KDM4B: variants seen among roughly 807,000 people sequenced by gnomAD.
KDM4B encodes lysine-specific demethylase 4B.
A neutral mutation model predicts 125.2 loss-of-function variants in KDM4B; 32 were observed. That is an observed-to-expected ratio of 0.26 (90% CI 0.19 to 0.34). The LOEUF is 0.34. KDM4B is among the 10% of genes least tolerant of loss of function. The pLI, the probability that KDM4B is intolerant of heterozygous loss-of-function variation, is 1.00. For missense variants in KDM4B, 1,190 were observed against 1,577.7 expected (o/e 0.75, Z 4.16); for synonymous variants, 721 against 677.9 (o/e 1.06, Z -0.99).
intron 2 of KDM4B, among the ~76,000 whole-genome samples, chr19:5,022,369 G>A (rs576289335): frequency 2.0e-5 from 3 of 152,244 alleles, no homozygotes; most frequent in African/African-American, 7.2e-5. Flanking sequence ...CAGGACCTCC[G>A]CCCGAGGGCC....
chr19:4,982,019 A>G (rs775344147), intron 1 of KDM4B, among the ~76,000 whole-genome samples: 18 of 152,204 alleles, frequency 1.2e-4, no homozygotes, highest in Non-Finnish European at 1.9e-4. Context: ...AGCCAGGTGC[A>G]GTGGCTCATG....
At chr19:5,017,611 C>G (rs1288507879) in intron 2 of KDM4B, among the ~76,000 whole-genome samples, 1 of 152,132 alleles carries the variant, frequency 6.6e-6, no homozygotes, top group African/African-American at 2.4e-5. Context: ...CTTGCTTTTA[C>G]CCTTCAAGTT....
intron 17 of KDM4B, 125 bp from the exon 18 acceptor site, chr19:5,137,837 C>T: frequency 1.9e-6 from 2 of 1,033,496 alleles, no homozygotes; most frequent in East Asian, 2.6e-5. Context: ...GAGCATACGC[C>T]TGCACCGACC....
At chr19:5,066,329 AC>A (rs1383362186) in intron 6 of KDM4B, among the ~76,000 whole-genome samples, 1 of 144,374 alleles carries the variant, frequency 6.9e-6, no homozygotes, top group Non-Finnish European at 1.5e-5. Context: ...GTGCCCACCC[AC>A]CCACTGCCCC....
At chr19:5,137,533 C>G (rs2039670365) in intron 16 of KDM4B, 88 bp from the exon 17 acceptor site, 1 of 1,380,212 alleles carries the variant, frequency 7.2e-7, no homozygotes, top group African/African-American at 1.4e-5. Context: ...GGGCCGTGGG[C>G]TGGGGACGGT....
At chr19:5,068,231 C>T (rs755086423) in intron 6 of KDM4B, among the ~76,000 whole-genome samples, 11 of 152,168 alleles carry the variant, frequency 7.2e-5, no homozygotes, top group Non-Finnish European at 1.2e-4. Context: ...CTGAGACGCC[C>T]CTCTGGGAGG....
chr19:5,002,162 T>C (rs2035407755), intron 1 of KDM4B, among the ~76,000 whole-genome samples: 1 of 152,158 alleles, frequency 6.6e-6, no homozygotes, highest in South Asian at 2.1e-4. Flanking sequence ...CATGTCCAGC[T>C]AATTTTTATA....
intron 10 of KDM4B, chr19:5,113,881 T>A: frequency 1.0e-6 from 1 of 985,378 alleles, no homozygotes; most frequent in Non-Finnish European, 1.2e-6. Flanking sequence ...CTCATGTGTT[T>A]ACCAGGTGCC....
intron 2 of KDM4B, among the ~76,000 whole-genome samples, chr19:5,020,433 C>T (rs574927204): frequency 1.3e-4 from 20 of 152,034 alleles, no homozygotes; most frequent in African/African-American, 4.6e-4. Context: ...AGGGTACATT[C>T]TGTTTAGCCT....
chr19:4,996,979 C>T (rs141998312), intron 1 of KDM4B, among the ~76,000 whole-genome samples: 211 of 152,138 alleles, frequency 1.4e-3, no homozygotes, highest in Middle Eastern at 3.4e-3. Context: ...CAGCCCCAGA[C>T]CTCCCAGTGT....
At chr19:5,050,615 C>T (rs912208797) in intron 6 of KDM4B, among the ~76,000 whole-genome samples, 2 of 152,230 alleles carry the variant, frequency 1.3e-5, no homozygotes, top group Non-Finnish European at 2.9e-5. Flanking sequence ...CAAGACTCTC[C>T]TGGGGCCAGG....
At chr19:5,095,384 A>T (rs2038800467) in intron 9 of KDM4B, among the ~76,000 whole-genome samples, 1 of 152,216 alleles carries the variant, frequency 6.6e-6, no homozygotes, top group Admixed American at 6.5e-5. Context: ...GTTTTACATG[A>T]GCAGACTCTA....
intron 9 of KDM4B, among the ~76,000 whole-genome samples, chr19:5,091,581 C>T (rs1461144367): frequency 6.6e-6 from 1 of 152,196 alleles, no homozygotes; most frequent in Non-Finnish European, 1.5e-5. Context: ...CCTAAAACCC[C>T]AGCCCTGGGG....
At chr19:5,013,986 C>T (rs532500104) in intron 1 of KDM4B, among the ~76,000 whole-genome samples, 99 of 152,316 alleles carry the variant, frequency 6.5e-4, no homozygotes, top group African/African-American at 2.3e-3. Flanking sequence ...GCCCGTGGCC[C>T]GGCAGTCCAG....
chr19:5,022,490 T>TCATGACCTGGAAATCCC (rs1285921332), intron 2 of KDM4B, among the ~76,000 whole-genome samples: 1 of 152,050 alleles, frequency 6.6e-6, no homozygotes, highest in African/African-American at 2.4e-5. Context: ...GCTGCAAACC[T>TCATGACCTGGAAATCCC]CATGACCTGG....
In KDM4B at chr19:5,082,736, C is replaced by T. The variant is rs553004846; in HGVS notation, c.918+232C>T. 1.3e-5 allele frequency among the ~76,000 whole-genome samples: 2 copies of T among 152,342 alleles called. No homozygotes were observed. Among genetic ancestry groups the T allele is most frequent in the African/African-American group, 4.8e-5 (2 of 41,592 alleles). On this transcript the variant is annotated intron_variant, in intron 9 of 22. Transcript: ENST00000159111. This position sits in a 1 kb window ranked among gnomAD's most constrained non-coding sequence, Gnocchi z 5.4. ...TCGGGTGGACGATGGTGGCCCAGGG[C>T]CCATCTCCAGCGAGTTCCATACACC...
At chr19:4,980,104 CAA>C (rs75652734) in intron 1 of KDM4B, among the ~76,000 whole-genome samples, 2 of 147,848 alleles carry the variant, frequency 1.4e-5, no homozygotes, top group Admixed American at 1.4e-4. Context: ...GACCTTTTCT[CAA>C]AAAAAAAAAG....
In KDM4B at chr19:5,035,885, GCGCGCGCGCGCC is replaced by G. The variant is rs1316015418; in HGVS notation, c.141+2855_141+2866del. ...TCTCTGTGTGTGTGTGTGTGTGCGC[GCGCGCGCGCGCC>G]TGCGCGCACAGGAGACTGAGGTGGG... On this transcript the variant is annotated intron_variant, in intron 3 of 22. Transcript: ENST00000159111. This position sits in a 1 kb window ranked among gnomAD's most constrained non-coding sequence, Gnocchi z 5.3. 7.1e-6 allele frequency among the ~76,000 whole-genome samples: 1 copy of G among 141,520 alleles called. No homozygotes were observed. Among genetic ancestry groups the G allele is most frequent in the African/African-American group, 2.5e-5 (1 of 39,682 alleles). 92.8% of individuals were successfully genotyped at this position (141,520 alleles called of 152,430 possible).
chr19:5,024,768 G>T (rs550563645), intron 2 of KDM4B, among the ~76,000 whole-genome samples: 2 of 152,210 alleles, frequency 1.3e-5, no homozygotes, highest in African/African-American at 2.4e-5. Flanking sequence ...GACCAACATG[G>T]TGAAACCTCG....
Sources: gnomAD v4.1 joint callset for allele counts (sites outside exome capture counted in the v4.1 genomes callset) on GRCh38, gnomAD v4.1.1 for gene constraint, Gnocchi (gnomAD v3.1) non-coding constraint, MANE v1.5 for transcripts, NCBI Gene and HGNC (gene_info 2026-07-23, HGNC 2026-07-21) for gene names.